Variants in SLF2 observed in about 807,000 individuals in gnomAD.
SLF2 encodes SMC5/6 complex localization factor 2.
A neutral mutation model predicts 124.3 loss-of-function variants in SLF2; 68 were observed. That is an observed-to-expected ratio of 0.55 (90% CI 0.45 to 0.67). The LOEUF (loss-of-function observed/expected upper bound fraction) is 0.67. Among genes scored for constraint, SLF2 ranks in the 30% least tolerant of loss-of-function variants. The pLI is 0.00. For synonymous variants in SLF2, 480 were observed against 478.8 expected (o/e 1.00, Z -0.03); for missense variants, 1,246 against 1,373.7 (o/e 0.91, Z 1.47).
rs775961750 is a variant in SLF2, at chr10:100,937,430, T to C, written c.2465T>C (p.Val822Ala). ...RMMSVHTDCI[V>A]SVQILSTLME... ...ATGTCAGTTCATACAGACTGTATTG[T>C]GTCAGTGCAGATTTTAAGTACATTG... The change falls in exon 10 of 20, where the codon GTG (valine) becomes GCG (alanine). Residue 822 changes from valine to alanine, a missense_variant. Physicochemically the swap from Val to Ala is moderately conservative, Grantham distance 64 (BLOSUM62 0). Around this residue, in one of 3 missense-constraint regions of SLF2, gnomAD observed 535 missense variants for 632.8 expected, o/e 0.85. Coordinates refer to ENST00000238961, the MANE Select transcript of SLF2 (RefSeq NM_018121.4). 1.2e-6 allele frequency: 2 copies of C among 1,610,284 alleles called. No individual in the cohort carries two copies. Among genetic ancestry groups the C allele is most frequent in the South Asian group, 1.1e-5 (1 of 91,010 alleles).
At chr10:100,948,003 T>C (rs1436255283) in intron 15 of SLF2, among the ~76,000 whole-genome samples, 156 bp downstream of exon 15, 1 of 152,210 alleles carries the variant, frequency 6.6e-6, no homozygotes, top group African/African-American at 2.4e-5. Context: ...ACTAACAAGA[T>C]CCAATTTTTT....
chr10:100,951,886 G>C (rs564113174), intron 17 of SLF2, among the ~76,000 whole-genome samples: 6 of 152,250 alleles, frequency 3.9e-5, no homozygotes, highest in Non-Finnish European at 7.4e-5. Context: ...CATACTCCTG[G>C]GGAAAGATCT....
chr10:100,935,252 G>A (rs936315799), intron 9 of SLF2, among the ~76,000 whole-genome samples: 23 of 152,018 alleles, frequency 1.5e-4, no homozygotes, highest in African/African-American at 4.1e-4. Flanking sequence ...AAAATTATCC[G>A]GGCATGGTGG....
intron 17 of SLF2, among the ~76,000 whole-genome samples, chr10:100,955,101 G>A (rs972071465): frequency 2.6e-5 from 4 of 151,818 alleles, no homozygotes; most frequent in Admixed American, 1.3e-4. Flanking sequence ...CACCACGCCC[G>A]GCTAATTTTT....
rs111921819 is a variant in SLF2 at position 100,913,587 on chromosome 10, G to C, written c.140+337G>C. 5.9e-4 allele frequency: 698 copies of C among 1,177,244 alleles called. 1 individual carries two copies. The Middle Eastern group carries it at 8.8e-3, about 15-fold the overall frequency. 72.9% of individuals were successfully genotyped at this position (1,177,244 alleles called of 1,614,324 possible). On this transcript the variant is annotated intron_variant, in intron 1 of 19. Transcript: ENST00000238961. ...TGCATATTTAGATCGTTTTCTGTAC[G>C]TTGTCAGTTCTACTGATCCTAGTGG...
At chr10:100,950,524 CTA>C in intron 16 of SLF2, 150 bp from the exon 17 acceptor site, 1 of 671,146 alleles carries the variant, frequency 1.5e-6, no homozygotes, top group Non-Finnish European at 2.5e-6. Flanking sequence ...ATGAGAAAGC[CTA>C]GTTTAGATGC....
chr10:100,927,196 A>G (rs1403240965), intron 6 of SLF2, among the ~76,000 whole-genome samples: 1 of 152,162 alleles, frequency 6.6e-6, no homozygotes, highest in African/African-American at 2.4e-5. Context: ...ATCTAGCTAC[A>G]GAACTTTTTC....
intron 15 of SLF2, among the ~76,000 whole-genome samples, chr10:100,949,389 G>T (rs1850168086): frequency 6.6e-6 from 1 of 152,110 alleles, no homozygotes; most frequent in Non-Finnish European, 1.5e-5. Flanking sequence ...CTCACTAACT[G>T]ATATTCAAGT....
chr10:100,941,218 T>C (rs1263359495), intron 11 of SLF2, among the ~76,000 whole-genome samples: 2 of 152,164 alleles, frequency 1.3e-5, no homozygotes, highest in Non-Finnish European at 2.9e-5. Context: ...TCATGGCAAG[T>C]TCTCTATACA....
At chr10:100,952,268 G>A (rs1006547288) in intron 17 of SLF2, among the ~76,000 whole-genome samples, 37 of 147,774 alleles carry the variant, frequency 2.5e-4, no homozygotes, top group Admixed American at 6.1e-4. Context: ...TAGGCTGGAC[G>A]TGGTGGCTCA....
Position 100,922,400 on chromosome 10 carries a change from C to T in SLF2, c.974-1575C>T, listed in dbSNP as rs115014602. On this transcript the variant is annotated intron_variant, in intron 4 of 19. Transcript: ENST00000238961. ...ATTTTCTAACTAGAGAAGGGATTGA[C>T]GGGGTTGTACTTTTCGCAGAGGCAG... Among the ~76,000 whole-genome samples the T allele has an allele frequency of 6.7e-3, 1,024 of 152,208 alleles. 12 individuals carry two copies. The highest frequency in any genetic ancestry group is 0.022 in the African/African-American group (931 of 41,516).
Position 100,916,717 on chromosome 10 carries a change from T to C in SLF2, c.332T>C (p.Ile111Thr), listed in dbSNP as rs1407010825. The C allele has an allele frequency of 7.0e-6, 11 of 1,566,534 alleles. No homozygotes were observed. The highest frequency in any genetic ancestry group is 8.6e-6 in the Non-Finnish European group (10 of 1,162,758). ...AGGGTGCCACCAGAAAAGAGCCCTA[T>C]TATAGAAGCTTTCATGAAAGGTGTT... ...PKRVPPEKSP[I>T]IEAFMKGVKE... The change falls in exon 3 of 20, where the codon ATT becomes ACT. Residue 111 changes from isoleucine (I) to threonine (T), a missense_variant. By Grantham distance (89) the Ile-to-Thr change is moderately conservative. Around this residue, in one of 3 missense-constraint regions of SLF2, gnomAD observed 698 missense variants for 708.9 expected, o/e 0.98. Coordinates refer to ENST00000238961, the MANE Select transcript of SLF2 (RefSeq NM_018121.4).
At chr10:100,954,764 A>T (rs1850292975) in intron 17 of SLF2, among the ~76,000 whole-genome samples, 1 of 152,132 alleles carries the variant, frequency 6.6e-6, no homozygotes, top group Non-Finnish European at 1.5e-5. Context: ...GCAACATAGC[A>T]AGATGCTGTC....
intron 12 of SLF2, among the ~76,000 whole-genome samples, chr10:100,944,649 TTAAA>T (rs1850064382): frequency 1.3e-5 from 2 of 152,230 alleles, no homozygotes; most frequent in Admixed American, 6.5e-5. Context: ...AGTTACATCA[TTAAA>T]TAGTTTTGAA....
rs985947996 is a variant in SLF2 at position 100,964,254 on chromosome 10, G to C, written c.*2342G>C. The C allele has an allele frequency of 1.3e-5, 2 of 152,670 alleles. No homozygotes were observed. The highest frequency in any genetic ancestry group is 2.9e-5 in the Non-Finnish European group (2 of 68,044). 9.5% of individuals were successfully genotyped at this position (152,670 alleles called of 1,614,324 possible). On this transcript the variant is annotated 3_prime_UTR_variant, in exon 20 of 20. Coordinates refer to ENST00000238961, the MANE Select transcript of SLF2 (RefSeq NM_018121.4). ...GGACTTGGCAAACGAAGCTTGCACT[G>C]AGTGGTGGTGTGTTTGGCAATATTA...
At position 100,938,651 on chromosome 10, in the gene SLF2, G is replaced by C; in HGVS notation, c.2569G>C (p.Ala857Pro). Residue 857 changes from alanine (A) to proline (P), a missense_variant, in exon 11 of 20, where the codon GCT (alanine) becomes CCT (proline). Ala to Pro is a conservative substitution (Grantham distance 27). Around this residue, in one of 3 missense-constraint regions of SLF2, gnomAD observed 535 missense variants for 632.8 expected, o/e 0.85. Coordinates refer to ENST00000238961, the MANE Select transcript of SLF2 (RefSeq NM_018121.4). ...GATCCCATCATTGTCTGATGTAGCA[G>C]CTGTGTTTTTCAATATGGGGATTGA... Reference protein sequence around the residue: ...PWIPSLSDVAAVFFNMGIDFR... With the variant: ...PWIPSLSDVAPVFFNMGIDFR... 6.2e-7 allele frequency: 1 copy of C among 1,613,472 alleles called. No homozygotes were observed. The highest frequency in any genetic ancestry group is 8.5e-7 in the Non-Finnish European group (1 of 1,179,788).
chr10:100,937,724 TC>T (rs1487717942), intron 10 of SLF2, among the ~76,000 whole-genome samples: 1 of 151,966 alleles, frequency 6.6e-6, no homozygotes, highest in Admixed American at 6.6e-5. Context: ...TTCTCGTGCC[TC>T]AGCCTCCCAA....
At chr10:100,925,870 C>T (rs1391714358) in intron 5 of SLF2, 79 bp from the exon 6 acceptor site, 11 of 1,341,170 alleles carry the variant, frequency 8.2e-6, no homozygotes, top group East Asian at 2.3e-5. Context: ...AATAGTCTTT[C>T]GTACCCTTAA....
intron 9 of SLF2, among the ~76,000 whole-genome samples, chr10:100,932,400 A>G (rs1435806604): frequency 2.0e-5 from 3 of 152,362 alleles, no homozygotes; most frequent in Middle Eastern, 3.4e-3. Context: ...CAGAAATCCT[A>G]TAACAAAAAG....
Sources: gnomAD v4.1 joint callset for allele counts (sites outside exome capture counted in the v4.1 genomes callset) on GRCh38, gnomAD v4.1.1 for gene constraint, gnomAD v4.1.1 regional missense constraint, MANE v1.5 for transcripts, NCBI Gene and HGNC (gene_info 2026-07-23, HGNC 2026-07-21) for gene names.